The following MACROD2 variants were observed in gnomAD, a reference collection of about 807,000 sequenced individuals.
The protein encoded by MACROD2 is ADP-ribose glycohydrolase MACROD2.
A neutral mutation model predicts 70.4 loss-of-function variants in MACROD2; 36 were observed. The ratio of observed to expected loss-of-function variants is 0.51; its 90% confidence interval spans 0.39 to 0.68. MACROD2 has a LOEUF of 0.68. MACROD2 is among the 30% of genes least tolerant of loss of function. The pLI is 0.00. For synonymous variants in MACROD2, 172 were observed against 178.8 expected (o/e 0.96, Z 0.30); for missense variants, 496 against 538.4 (o/e 0.92, Z 0.78).
In MACROD2 at chr20:15,171,177, G is replaced by A. The variant is rs184469721; in HGVS notation, c.419-58763G>A. Among the ~76,000 whole-genome samples, 239 of 152,130 alleles carry A rather than the reference G, an allele frequency of 1.6e-3. 2 individuals are homozygous for A. Among genetic ancestry groups the A allele is most frequent in the African/African-American group, 5.6e-3 (231 of 41,510 alleles). ...GGTTTCTGTTTATTGGCAGTACTTA[G>A]ACTGGCCTATTTCATCATCATGGTC... On this transcript the variant is annotated intron_variant, in intron 5 of 17. Coordinates refer to ENST00000684519, the MANE Select transcript of MACROD2 (RefSeq NM_001351661.2).
At chr20:15,768,326 T>C (rs1358697673) in intron 8 of MACROD2, among the ~76,000 whole-genome samples, 6 of 152,230 alleles carry the variant, frequency 3.9e-5, no homozygotes, top group Non-Finnish European at 4.4e-5. Flanking sequence ...TACAAACCTA[T>C]ACAACATGTT....
intron 10 of MACROD2, among the ~76,000 whole-genome samples, chr20:15,933,062 A>T (rs1336338837): frequency 1.3e-5 from 2 of 152,212 alleles, no homozygotes; most frequent in Non-Finnish European, 2.9e-5. Context: ...TAAACATTTC[A>T]TCTAGCAAAT....
At chr20:15,132,287 T>A (rs1338253593) in intron 5 of MACROD2, among the ~76,000 whole-genome samples, 1 of 152,006 alleles carries the variant, frequency 6.6e-6, no homozygotes, top group Non-Finnish European at 1.5e-5. Context: ...TAAGAGATGT[T>A]AATTCATCAT....
intron 3 of MACROD2, among the ~76,000 whole-genome samples, chr20:14,283,298 G>C (rs1199657102): frequency 6.6e-6 from 1 of 152,050 alleles, no homozygotes; most frequent in Non-Finnish European, 1.5e-5. Flanking sequence ...GTGCCTCATG[G>C]CTTTTGATTA....
At chr20:14,785,671 G>A (rs555939222) in intron 5 of MACROD2, among the ~76,000 whole-genome samples, 1 of 152,180 alleles carries the variant, frequency 6.6e-6, no homozygotes, top group South Asian at 2.1e-4. Flanking sequence ...AGTCAACGTA[G>A]TATTATTTTT....
intron 5 of MACROD2, chr20:15,196,838 T>A: frequency 1.0e-6 from 1 of 985,090 alleles, no homozygotes; most frequent in Non-Finnish European, 1.2e-6. Flanking sequence ...TGCCTGAGTC[T>A]TATCCATACC....
intron 5 of MACROD2, among the ~76,000 whole-genome samples, chr20:15,150,874 G>T (rs2076264482): frequency 6.6e-6 from 1 of 152,006 alleles, no homozygotes; most frequent in Non-Finnish European, 1.5e-5. Flanking sequence ...TGGCACCAGA[G>T]TTGGGGAGTT....
chr20:16,027,183 C>T (rs557661002), intron 15 of MACROD2, among the ~76,000 whole-genome samples: 13 of 152,212 alleles, frequency 8.5e-5, no homozygotes, highest in East Asian at 1.9e-4. Context: ...AGACTGAGAC[C>T]GGAAATGGAA....
Position 14,173,538 on chromosome 20 carries a change from T to C in MACROD2, c.271+87810T>C, listed in dbSNP as rs76078740. ...TCAGATCTTGTATTATTTTTAAAAT[T>C]AAATTTATTTGGACTTCACCTTTCT... On this transcript the variant is annotated intron_variant, in intron 3 of 17. Transcript: ENST00000684519. Among the ~76,000 whole-genome samples the C allele has an allele frequency of 1.8e-3, 276 of 152,310 alleles. 1 individual carries two copies. Among genetic ancestry groups the C allele is most frequent in the African/African-American group, 5.0e-3 (209 of 41,572 alleles).
chr20:14,320,333 C>T lies in MACROD2; in HGVS notation c.272-173146C>T, dbSNP rs75533400. On this transcript the variant is annotated intron_variant, in intron 3 of 17. Coordinates refer to ENST00000684519, the MANE Select transcript of MACROD2 (RefSeq NM_001351661.2). Reference sequence around the variant, plus strand: ...CCACTGGCAGTGCGCTGTTCAGGCCCTTATTTCCCCTTGCCTGAAATACTG... The same window carrying T: ...CCACTGGCAGTGCGCTGTTCAGGCCTTTATTTCCCCTTGCCTGAAATACTG... Among the ~76,000 whole-genome samples the T allele has an allele frequency of 9.6e-3, 1,456 of 152,202 alleles. 23 individuals are homozygous for T. Among genetic ancestry groups the T allele is most frequent in the African/African-American group, 0.033 (1,384 of 41,524 alleles).
chr20:15,575,951 C>G (rs977948184), intron 8 of MACROD2, among the ~76,000 whole-genome samples: 1 of 152,158 alleles, frequency 6.6e-6, no homozygotes, highest in Non-Finnish European at 1.5e-5. Flanking sequence ...ATCATTTGCT[C>G]TATCTTTACT....
chr20:14,075,234 G>C (rs2053902275), intron 2 of MACROD2, among the ~76,000 whole-genome samples: 1 of 152,134 alleles, frequency 6.6e-6, no homozygotes, highest in African/African-American at 2.4e-5. Context: ...TGTGAAAAAG[G>C]AAAAAAATTT....
chr20:14,618,917 A>G (rs1983638371), intron 4 of MACROD2, among the ~76,000 whole-genome samples: 1 of 152,140 alleles, frequency 6.6e-6, no homozygotes, highest in African/African-American at 2.4e-5. Flanking sequence ...AACTATTCAA[A>G]TCCTTAGAAC....
intron 5 of MACROD2, among the ~76,000 whole-genome samples, chr20:15,021,212 A>ACG (rs2075173847): frequency 9.3e-6 from 1 of 106,968 alleles, no homozygotes; most frequent in Non-Finnish European, 2.0e-5. Flanking sequence ...GTGTATGTAT[A>ACG]CACATACAGG....
At chr20:14,535,222 G>T (rs986974258) in intron 4 of MACROD2, among the ~76,000 whole-genome samples, 3 of 152,088 alleles carry the variant, frequency 2.0e-5, no homozygotes, top group Middle Eastern at 3.2e-3. Context: ...GAGTTATCTT[G>T]GCTGGGCGCA....
intron 3 of MACROD2, among the ~76,000 whole-genome samples, chr20:14,301,153 TG>T (rs1347934429): frequency 1.3e-5 from 2 of 152,152 alleles, no homozygotes; most frequent in Admixed American, 1.3e-4. Context: ...ACCTAGTAGG[TG>T]GTAGACTTAG....
chr20:14,843,566 C>T (rs1016380700), intron 5 of MACROD2, among the ~76,000 whole-genome samples: 19 of 152,072 alleles, frequency 1.2e-4, no homozygotes, highest in African/African-American at 4.6e-4. Flanking sequence ...AACCTCAATA[C>T]ATTCTCTCAA....
intron 6 of MACROD2, among the ~76,000 whole-genome samples, chr20:15,258,394 C>T (rs1313895278): frequency 6.6e-6 from 1 of 152,114 alleles, no homozygotes; most frequent in Non-Finnish European, 1.5e-5. Context: ...AAGTGCCCTA[C>T]ACAGGTGTAC....
At chr20:16,010,713 C>T (rs2066852329) in intron 15 of MACROD2, among the ~76,000 whole-genome samples, 1 of 152,180 alleles carries the variant, frequency 6.6e-6, no homozygotes, top group African/African-American at 2.4e-5. Context: ...GTTTGGGAGA[C>T]AGCATCCCCT....
Sources: allele counts gnomAD v4.1 joint callset (sites outside exome capture counted in the v4.1 genomes callset), GRCh38; gene constraint gnomAD v4.1.1; transcripts MANE v1.5; gene names NCBI Gene and HGNC (gene_info 2026-07-23, HGNC 2026-07-21).